The following NKAIN3 variants were observed in gnomAD, a reference collection of about 807,000 sequenced individuals.
NKAIN3 encodes the protein sodium/potassium-transporting ATPase subunit beta-1-interacting protein 3.
NKAIN3 carries 25 observed loss-of-function variants against 30.2 expected under a neutral mutation model. That is an observed-to-expected ratio of 0.83 (90% CI 0.60 to 1.16). The LOEUF (loss-of-function observed/expected upper bound fraction) is 1.16, where lower values mean the gene tolerates loss of function less well. NKAIN3 is among the 50% of genes most tolerant of loss of function. The probability of loss-of-function intolerance (pLI) is 0.00; values close to 1 mark genes in which losing one functional copy is unlikely to be tolerated. For missense variants in NKAIN3, 225 were observed against 254.1 expected (o/e 0.89, Z 0.78); for synonymous variants, 91 against 89.6 (o/e 1.02, Z -0.09).
intron 1 of NKAIN3, among the ~76,000 whole-genome samples, chr8:62,528,457 C>G (rs1214422771): frequency 6.6e-6 from 1 of 151,144 alleles, no homozygotes; most frequent in Non-Finnish European, 1.5e-5. Context: ...TGACAAGCAT[C>G]GAATCTATTC....
At chr8:62,934,456 T>C (rs534526881) in intron 5 of NKAIN3, among the ~76,000 whole-genome samples, 1 of 152,102 alleles carries the variant, frequency 6.6e-6, no homozygotes, top group South Asian at 2.1e-4. Context: ...ACAAAAAAGT[T>C]TTTATCTGTT....
chr8:62,900,618 G>C (rs979005796), intron 4 of NKAIN3, among the ~76,000 whole-genome samples: 3 of 152,180 alleles, frequency 2.0e-5, no homozygotes, highest in African/African-American at 7.2e-5. Flanking sequence ...AGGACTTAGT[G>C]AATTAATGAA....
At chr8:62,837,950 G>T (rs1381388427) in intron 4 of NKAIN3, among the ~76,000 whole-genome samples, 9 of 152,002 alleles carry the variant, frequency 5.9e-5, no homozygotes, top group Admixed American at 3.3e-4. Flanking sequence ...TATAGTCTGG[G>T]TTTATTATGT....
intron 1 of NKAIN3, among the ~76,000 whole-genome samples, chr8:62,433,354 C>T (rs183195499): frequency 1.0e-3 from 153 of 151,756 alleles, no homozygotes; most frequent in African/African-American, 3.5e-3. Context: ...AGGAAAAAAA[C>T]GAAAACAATG....
intron 1 of NKAIN3, among the ~76,000 whole-genome samples, chr8:62,424,114 A>G (rs559768114): frequency 5.9e-5 from 9 of 152,082 alleles, no homozygotes; most frequent in African/African-American, 2.2e-4. Context: ...ATATCCACAT[A>G]CAGAAGAATG....
At chr8:62,864,021 T>A in intron 4 of NKAIN3, 1 of 714,680 alleles carries the variant, frequency 1.4e-6, no homozygotes, top group Non-Finnish European at 2.5e-6. Flanking sequence ...TTGTAGGGTG[T>A]TTCTCTCTTT....
chr8:62,392,678 C>A (rs1172907323), intron 1 of NKAIN3, among the ~76,000 whole-genome samples: 1 of 151,798 alleles, frequency 6.6e-6, no homozygotes, highest in Non-Finnish European at 1.5e-5. Context: ...AAAAAGAAAA[C>A]CTGTGTTGAT....
intron 3 of NKAIN3, among the ~76,000 whole-genome samples, chr8:62,670,956 C>T (rs982482646): frequency 6.6e-6 from 1 of 151,598 alleles, no homozygotes; most frequent in African/African-American, 2.4e-5. Flanking sequence ...GTATCTGTTC[C>T]AGTCCTCAAA....
chr8:62,545,540 G>A (rs1012765089), intron 1 of NKAIN3, among the ~76,000 whole-genome samples: 5 of 152,132 alleles, frequency 3.3e-5, no homozygotes, highest in Admixed American at 1.3e-4. Flanking sequence ...TTGCACTCTA[G>A]CCTGAGCAAC....
intron 4 of NKAIN3, among the ~76,000 whole-genome samples, chr8:62,843,153 G>T (rs540508753): frequency 6.6e-6 from 1 of 151,904 alleles, no homozygotes; most frequent in Non-Finnish European, 1.5e-5. Context: ...AGAGGAGATA[G>T]AATTCAGCCA....
intron 4 of NKAIN3, among the ~76,000 whole-genome samples, chr8:62,887,626 G>A (rs1050463924): frequency 9.2e-5 from 14 of 151,886 alleles, no homozygotes; most frequent in Non-Finnish European, 1.6e-4. Flanking sequence ...TGATATATGC[G>A]CAAGCTCAGA....
chr8:62,725,869 T>C (rs1045310699), intron 3 of NKAIN3, among the ~76,000 whole-genome samples: 2 of 152,060 alleles, frequency 1.3e-5, no homozygotes, highest in African/African-American at 2.4e-5. Context: ...TTTTTTTCTA[T>C]CTATATGAAG....
chr8:62,282,529 G>A (rs111721915), intron 1 of NKAIN3, among the ~76,000 whole-genome samples: 1,601 of 152,240 alleles, frequency 0.011, 37 homozygotes, highest in African/African-American at 0.036. Context: ...TTCAGGGAGC[G>A]ATCGATCTTT....
intron 1 of NKAIN3, among the ~76,000 whole-genome samples, chr8:62,249,472 C>A (rs1812019074): frequency 6.6e-6 from 1 of 152,256 alleles, no homozygotes; most frequent in Non-Finnish European, 1.5e-5. Context: ...TTAGCACCCT[C>A]CGCGTTCGTG....
chr8:62,899,942 T>TG (rs776193163), intron 4 of NKAIN3, among the ~76,000 whole-genome samples: 1 of 151,550 alleles, frequency 6.6e-6, no homozygotes, highest in Non-Finnish European at 1.5e-5. Context: ...ACTACTCAGG[T>TG]GACAGGTACA....
At chr8:62,527,590 G>T (rs749191180) in intron 1 of NKAIN3, among the ~76,000 whole-genome samples, 3 of 152,092 alleles carry the variant, frequency 2.0e-5, no homozygotes, top group Non-Finnish European at 4.4e-5. Context: ...TTAATTCACT[G>T]ACCCTCAGTT....
chr8:62,870,281 A>ATATATATAGATATCTATAG (rs1586292215), intron 4 of NKAIN3, among the ~76,000 whole-genome samples: 1 of 34,990 alleles, frequency 2.9e-5, no homozygotes, highest in African/African-American at 1.6e-4. Flanking sequence ...GATATATATA[A>ATATATATAGATATCTATAG]ATATCTATAG....
intron 4 of NKAIN3, among the ~76,000 whole-genome samples, chr8:62,896,360 T>G (rs958340702): frequency 1.3e-5 from 2 of 152,144 alleles, no homozygotes; most frequent in African/African-American, 4.8e-5. Context: ...GATTAGAGTT[T>G]GAACATGTAC....
chr8:62,259,933 G>T (rs536583758), intron 1 of NKAIN3, among the ~76,000 whole-genome samples: 6 of 152,250 alleles, frequency 3.9e-5, no homozygotes, highest in African/African-American at 1.4e-4. Flanking sequence ...CTAATTGCAA[G>T]AATTAGATAG....
Sources: gnomAD v4.1 joint callset for allele counts (sites outside exome capture counted in the v4.1 genomes callset) on GRCh38, gnomAD v4.1.1 for gene constraint, MANE v1.5 for transcripts, NCBI Gene and HGNC (gene_info 2026-07-23, HGNC 2026-07-21) for gene names.